The following CDYL2 variants were observed in gnomAD, a reference collection of about 807,000 sequenced individuals.
CDYL2 encodes the protein chromodomain Y like 2, also known as chromodomain Y-like protein 2.
CDYL2 carries 23 observed loss-of-function variants against 49.4 expected under a neutral mutation model. The observed-to-expected ratio is 0.47, with a 90% CI of 0.34 to 0.66. CDYL2 has a LOEUF of 0.66. CDYL2 is among the 30% of genes least tolerant of loss of function. The probability of loss-of-function intolerance (pLI) is 0.01; values close to 1 mark genes in which losing one functional copy is unlikely to be tolerated. For missense variants in CDYL2, 678 were observed against 656.4 expected (o/e 1.03, Z -0.36); for synonymous variants, 360 against 268.8 (o/e 1.34, Z -3.32).
intron 1 of CDYL2, among the ~76,000 whole-genome samples, chr16:80,802,478 T>G (rs1267681292): frequency 6.6e-6 from 1 of 152,224 alleles, no homozygotes; most frequent in Non-Finnish European, 1.5e-5. Context: ...TCCACCATCT[T>G]GAAACAGACC....
intron 3 of CDYL2, among the ~76,000 whole-genome samples, chr16:80,622,362 G>A (rs933812313): frequency 1.4e-4 from 22 of 152,096 alleles, no homozygotes; most frequent in African/African-American, 5.3e-4. Flanking sequence ...GGTTGCCCAG[G>A]CTCCTTGATT....
At chr16:80,610,058 G>A (rs1047873753) in intron 5 of CDYL2, among the ~76,000 whole-genome samples, 1 of 152,162 alleles carries the variant, frequency 6.6e-6, no homozygotes, top group East Asian at 1.9e-4. Context: ...TAGTGCAGAA[G>A]GGGTAGCAAA....
chr16:80,797,453 G>A (rs1907798705), intron 1 of CDYL2, among the ~76,000 whole-genome samples: 1 of 152,174 alleles, frequency 6.6e-6, no homozygotes, highest in Non-Finnish European at 1.5e-5. Flanking sequence ...TCAGCTACAT[G>A]TGACCACATA....
rs555180123 is a variant in CDYL2 at position 80,671,418 on chromosome 16, C to T, written c.616+13120G>A. On this transcript the variant is annotated intron_variant, in intron 2 of 6. Transcript: ENST00000570137. Reference sequence around the variant, plus strand: ...CACAAGTACAACAGGGGGTTCCCTGCCACCCAGGCCCCTCCTGCACCTGGC... The same window carrying T: ...CACAAGTACAACAGGGGGTTCCCTGTCACCCAGGCCCCTCCTGCACCTGGC... 3.2e-3 allele frequency among the ~76,000 whole-genome samples: 487 copies of T among 152,306 alleles called. 5 individuals carry two copies. The highest frequency in any genetic ancestry group is 0.011 in the African/African-American group (470 of 41,566).
chr16:80,643,148 A>G (rs1908176512), intron 2 of CDYL2, among the ~76,000 whole-genome samples: 1 of 152,142 alleles, frequency 6.6e-6, no homozygotes, highest in Non-Finnish European at 1.5e-5. Context: ...AATGGGAGAA[A>G]TTGGCCAAAA....
At chr16:80,803,873 C>G (rs1236251371) in intron 1 of CDYL2, among the ~76,000 whole-genome samples, 1 of 147,048 alleles carries the variant, frequency 6.8e-6, no homozygotes, top group Non-Finnish European at 1.5e-5. Flanking sequence ...TCCTCCTTCC[C>G]CTCCAAGGCC....
At chr16:80,620,613 G>C in intron 4 of CDYL2, 150 bp downstream of exon 4, 1 of 593,366 alleles carries the variant, frequency 1.7e-6, no homozygotes, top group Middle Eastern at 4.7e-4. Context: ...TTTTAAAAAT[G>C]TAAGCAGACC....
chr16:80,758,541 C>CTTTTTTT (rs58565125), intron 1 of CDYL2, among the ~76,000 whole-genome samples: 7 of 117,096 alleles, frequency 6.0e-5, no homozygotes, highest in South Asian at 2.8e-4. Flanking sequence ...TGCTGCAGCA[C>CTTTTTTT]TTTTTTTTTT....
rs902624900 is a variant in CDYL2 at position 80,758,401 on chromosome 16, C to T, written c.24+45749G>A. On this transcript the variant is annotated intron_variant, in intron 1 of 6. Coordinates refer to ENST00000570137, the MANE Select transcript of CDYL2 (RefSeq NM_152342.4). ...AGATGTACATCTTGAGGTGGTTTTG[C>T]AAGGGGTTGGGGAGGTAATTTCGAA... is the stretch of plus-strand genomic sequence containing the variant. Among the ~76,000 whole-genome samples the T allele has an allele frequency of 3.3e-5, 5 of 152,124 alleles. No homozygotes were observed. The East Asian group carries it at 9.6e-4, about 29-fold the overall frequency.
chr16:80,650,108 A>G (rs553121499), intron 2 of CDYL2, among the ~76,000 whole-genome samples: 4 of 152,306 alleles, frequency 2.6e-5, no homozygotes, highest in East Asian at 3.9e-4. Flanking sequence ...CAAAGCAAAA[A>G]TGGACAAATG....
chr16:80,676,016 C>G (rs1490703148), intron 2 of CDYL2, among the ~76,000 whole-genome samples: 1 of 152,124 alleles, frequency 6.6e-6, no homozygotes, highest in Admixed American at 6.5e-5. Context: ...GCACCAAAAT[C>G]AAATCCAGAA....
At chr16:80,727,705 C>T (rs1366163036) in intron 1 of CDYL2, among the ~76,000 whole-genome samples, 1 of 152,206 alleles carries the variant, frequency 6.6e-6, no homozygotes, top group Admixed American at 6.5e-5. Flanking sequence ...CCCTGTCTGA[C>T]AGCTTTGAAG....
At chr16:80,680,063 T>C (rs900478319) in intron 2 of CDYL2, among the ~76,000 whole-genome samples, 1 of 152,070 alleles carries the variant, frequency 6.6e-6, no homozygotes, top group African/African-American at 2.4e-5. Context: ...TCCATTATAA[T>C]CAATAAAGGG....
Position 80,712,215 on chromosome 16 carries a change from A to ATATATATATATATC in CDYL2, c.25-27087_25-27086insGATATATATATATA, listed in dbSNP as rs763194077. On this transcript the variant is annotated intron_variant, in intron 1 of 6. Coordinates refer to ENST00000570137, the MANE Select transcript of CDYL2 (RefSeq NM_152342.4). ...TGTATATATATATATATATATATAT[A>ATATATATATATATC]TCTCCAAACCACTGCTCACTGTGAT... 1.7e-3 allele frequency among the ~76,000 whole-genome samples: 212 copies of ATATATATATATATC among 128,360 alleles called. 3 individuals are homozygous for ATATATATATATATC. Among genetic ancestry groups the ATATATATATATATC allele is most frequent in the East Asian group, 6.7e-3 (32 of 4,760 alleles). 84.2% of individuals were successfully genotyped at this position (128,360 alleles called of 152,430 possible).
At chr16:80,627,420 C>T (rs1260553532) in intron 3 of CDYL2, 1 of 152,140 alleles carries the variant, frequency 6.6e-6, no homozygotes, top group Non-Finnish European at 1.5e-5. Flanking sequence ...AAATAAAAGA[C>T]CAAACAAAAC....
At chr16:80,753,261 A>T (rs1052571206) in intron 1 of CDYL2, among the ~76,000 whole-genome samples, 5 of 129,496 alleles carry the variant, frequency 3.9e-5, no homozygotes, top group African/African-American at 1.8e-4. Context: ...TTCCCAACTT[A>T]AAAAAAAAAA....
intron 5 of CDYL2, among the ~76,000 whole-genome samples, chr16:80,611,764 C>T (rs147935388): frequency 1.2e-3 from 187 of 152,320 alleles, no homozygotes; most frequent in Non-Finnish European, 2.1e-3. Context: ...GGGGCGTGGA[C>T]GGCGTTGACA....
intron 1 of CDYL2, chr16:80,736,279 C>T (rs1905525251): frequency 6.6e-6 from 1 of 152,230 alleles, no homozygotes. Context: ...TCGTTTCTAA[C>T]GGCAAAACAC....
intron 1 of CDYL2, among the ~76,000 whole-genome samples, chr16:80,747,442 T>C (rs1033963443): frequency 6.6e-6 from 1 of 152,184 alleles, no homozygotes; most frequent in African/African-American, 2.4e-5. Context: ...TGCAAAGGAC[T>C]AGACACAAGG....
Sources: allele counts gnomAD v4.1 joint callset (sites outside exome capture counted in the v4.1 genomes callset), GRCh38; gene constraint gnomAD v4.1.1; transcripts MANE v1.5; gene names NCBI Gene and HGNC (gene_info 2026-07-23, HGNC 2026-07-21).